Variants in KLHL29 observed in about 807,000 individuals in gnomAD.
KLHL29 encodes the protein kelch-like protein 29.
KLHL29 carries 21 observed loss-of-function variants against 80.4 expected under a neutral mutation model. That is an observed-to-expected ratio of 0.26 (90% CI 0.19 to 0.38). KLHL29 has a LOEUF of 0.38. Ranked by LOEUF, KLHL29 falls within the 10% of genes least tolerant of loss-of-function variation. KLHL29 has a pLI of 1.00. For synonymous variants in KLHL29, 511 were observed against 526.8 expected, an observed-to-expected ratio of 0.97 and a Z score of 0.41; for missense variants, 867 against 1,223.9, an observed-to-expected ratio of 0.71 and a Z score of 4.35.
chr2:23,494,550 G>T (rs544667809), intron 2 of KLHL29, among the ~76,000 whole-genome samples: 1 of 152,184 alleles, frequency 6.6e-6, no homozygotes, highest in African/African-American at 2.4e-5. Flanking sequence ...GTGCTTTGTC[G>T]TGAATATCCA....
At chr2:23,548,281 GCACACACACAAACACACACAGGCA>G (rs1434941297) in intron 2 of KLHL29, among the ~76,000 whole-genome samples, 6 of 150,468 alleles carry the variant, frequency 4.0e-5, no homozygotes, top group South Asian at 4.2e-4. Flanking sequence ...ACACACAGGC[GCACACACACAAACACACACAGGCA>G]CACACACACA....
rs182378618 is a variant in KLHL29 at position 23,413,666 on chromosome 2, C to A, written c.-154+27886C>A. Among the ~76,000 whole-genome samples the A allele has an allele frequency of 4.6e-5, 7 of 152,302 alleles. No individual in the cohort carries two copies. The East Asian group carries it at 5.8e-4, about 13-fold the overall frequency. On this transcript the variant is annotated intron_variant, in intron 1 of 13. Coordinates refer to ENST00000486442, the MANE Select transcript of KLHL29 (RefSeq NM_052920.2). ...GAAACCATTGACTTCATGGAAAAAACCACAGATTCATGGCCCTGCAGTGTT... is the reference window on the plus strand; with the variant it reads ...GAAACCATTGACTTCATGGAAAAAAACACAGATTCATGGCCCTGCAGTGTT...
intron 2 of KLHL29, among the ~76,000 whole-genome samples, chr2:23,495,311 C>T (rs1012862071): frequency 2.0e-4 from 31 of 152,078 alleles, no homozygotes; most frequent in Non-Finnish European, 3.5e-4. Flanking sequence ...GTCAATGGAG[C>T]CCCCCAATCC....
At chr2:23,552,761 C>CTTTTTGTTTTTTTTTTTTTTTTTTTTTT (rs1667160958) in intron 2 of KLHL29, among the ~76,000 whole-genome samples, 1 of 95,576 alleles carries the variant, frequency 1.0e-5, no homozygotes, top group Non-Finnish European at 1.9e-5. Flanking sequence ...GGTTTCTTTT[C>CTTTTTGTTTTTTTTTTTTTTTTTTTTTT]TTTTTTTTTT....
At chr2:23,659,875 C>T (rs941053854) in intron 5 of KLHL29, among the ~76,000 whole-genome samples, 14 of 151,838 alleles carry the variant, frequency 9.2e-5, no homozygotes, top group African/African-American at 3.4e-4. Context: ...CTCCAGCCTC[C>T]ATGGTCAGAG....
intron 3 of KLHL29, among the ~76,000 whole-genome samples, chr2:23,583,089 A>T (rs1356312237): frequency 6.6e-6 from 1 of 152,172 alleles, no homozygotes; most frequent in Non-Finnish European, 1.5e-5. Flanking sequence ...GAACTGGAAG[A>T]GGCAAAGGAC....
intron 5 of KLHL29, among the ~76,000 whole-genome samples, chr2:23,645,037 G>A (rs568253608): frequency 6.6e-6 from 1 of 152,342 alleles, no homozygotes; most frequent in South Asian, 2.1e-4. Flanking sequence ...AGCTGATGGA[G>A]CCCCTTATAT....
Position 23,647,322 on chromosome 2 carries a change from C to T in KLHL29, c.940+4472C>T, listed in dbSNP as rs965845794. On this transcript the variant is annotated intron_variant, in intron 5 of 13. Coordinates refer to ENST00000486442, the MANE Select transcript of KLHL29 (RefSeq NM_052920.2). The surrounding 1 kb of genome is among the most constrained non-coding windows in gnomAD (Gnocchi z 4.9). ...GCTGGGAATGCATGATAAAGCTGTT[C>T]GCCCACACTCAGGCCAGAGGCACAG... 6.6e-6 allele frequency among the ~76,000 whole-genome samples: 1 copy of T among 152,170 alleles called. No individual in the cohort carries two copies. The highest frequency in any genetic ancestry group is 1.9e-4 in the East Asian group (1 of 5,196).
At chr2:23,607,018 T>G (rs137900977) in intron 3 of KLHL29, among the ~76,000 whole-genome samples, 84 of 152,344 alleles carry the variant, frequency 5.5e-4, no homozygotes, top group African/African-American at 2.0e-3. Flanking sequence ...GGGCAAGCTC[T>G]GGTCTCATGA....
At chr2:23,507,226 C>A in intron 2 of KLHL29, 1 of 279,348 alleles carries the variant, frequency 3.6e-6, no homozygotes, top group Non-Finnish European at 8.4e-6. Flanking sequence ...CCATCAACAT[C>A]CAGATCCTGT....
rs556543328 is a variant in KLHL29 at position 23,514,805 on chromosome 2, A to G, written c.-46+39138A>G. ...CTTTCATGAAAATAGACCACGCTCC[A>G]TCTATCCTTGCTGCTTTGGCTTCAG... On this transcript the variant is annotated intron_variant, in intron 2 of 13. Transcript: ENST00000486442. 8.5e-4 allele frequency among the ~76,000 whole-genome samples: 130 copies of G among 152,364 alleles called. 2 individuals carry two copies. The South Asian group carries it at 0.026, about 31-fold the overall frequency.
At chr2:23,653,564 C>T (rs1011939900) in intron 5 of KLHL29, among the ~76,000 whole-genome samples, 8 of 152,186 alleles carry the variant, frequency 5.3e-5, no homozygotes, top group South Asian at 2.1e-4. Flanking sequence ...GGACAAGACA[C>T]GCACCACTCA....
rs532627021 is a variant in KLHL29, at chr2:23,532,869, C to T, written c.-45-29283C>T. Among the ~76,000 whole-genome samples the T allele has an allele frequency of 4.6e-5, 7 of 152,230 alleles. No individual in the cohort carries two copies. In the South Asian group the frequency reaches 8.3e-4, roughly 18 times the overall value. On this transcript the variant is annotated intron_variant, in intron 2 of 13. Transcript: ENST00000486442. The stretch of plus-strand genomic sequence containing the variant: ...CTCCAGGCTACCAACTGGAGAGAGA[C>T]GAACTTTTGTTGAGAAGGGAGACAG...
chr2:23,404,983 G>A (rs1008055005), intron 1 of KLHL29, among the ~76,000 whole-genome samples: 4 of 152,188 alleles, frequency 2.6e-5, no homozygotes, highest in Non-Finnish European at 4.4e-5. Context: ...CCTACTGTGT[G>A]TCAGCTTGAG....
rs565467510 is a variant in KLHL29 at position 23,642,613 on chromosome 2, G to T, written c.703G>T (p.Val235Leu). 1.2e-5 allele frequency: 18 copies of T among 1,549,694 alleles called. No homozygotes were observed. Among genetic ancestry groups the T allele is most frequent in the Non-Finnish European group, 1.3e-5 (15 of 1,146,592 alleles). ...GTATGCCAGCCCTCAGCCCCTGGCCGTGTCCACACTGCCCGGTGTGGGGCA... is the reference window on the plus strand; with the variant it reads ...GTATGCCAGCCCTCAGCCCCTGGCCTTGTCCACACTGCCCGGTGTGGGGCA... ...ALYASPQPLA[V>L]STLPGVGQVA... Residue 235 changes from valine (V) to leucine (L), a missense_variant, in exon 5 of 14, where the codon GTG (valine) becomes TTG (leucine). Physicochemically the swap from Val to Leu is conservative, Grantham distance 32. Around this residue, in one of 2 missense-constraint regions of KLHL29, gnomAD observed 424 missense variants for 456.9 expected, o/e 0.93. Coordinates refer to ENST00000486442, the MANE Select transcript of KLHL29 (RefSeq NM_052920.2).
At chr2:23,524,248 T>C (rs13384463) in intron 2 of KLHL29, 17,349 of 290,952 alleles carry the variant, frequency 0.06, 1,624 homozygotes, top group African/African-American at 0.26. Context: ...CATCTCTTTC[T>C]ATTACACCAA....
At chr2:23,514,693 A>C (rs550332557) in intron 2 of KLHL29, among the ~76,000 whole-genome samples, 107 of 152,314 alleles carry the variant, frequency 7.0e-4, no homozygotes, top group African/African-American at 2.3e-3. Flanking sequence ...AGGCACCGTT[A>C]GGAAGAAGGT....
chr2:23,572,015 C>T (rs193161969), intron 3 of KLHL29, among the ~76,000 whole-genome samples: 74 of 152,318 alleles, frequency 4.9e-4, no homozygotes, highest in African/African-American at 1.4e-3. Context: ...TTCATTCATC[C>T]CGGCACTCGC....
intron 1 of KLHL29, among the ~76,000 whole-genome samples, chr2:23,405,255 T>TA (rs752313493): frequency 5.3e-5 from 8 of 152,202 alleles, no homozygotes; most frequent in Non-Finnish European, 1.2e-4. Flanking sequence ...CCATTTTTTC[T>TA]AAAAAAGTTA....
Sources: allele counts gnomAD v4.1 joint callset (sites outside exome capture counted in the v4.1 genomes callset), GRCh38; gene constraint gnomAD v4.1.1; regional missense constraint gnomAD v4.1.1; non-coding constraint Gnocchi (gnomAD v3.1); transcripts MANE v1.5; gene names NCBI Gene and HGNC (gene_info 2026-07-23, HGNC 2026-07-21).